The following RAB40B variants were observed in gnomAD, a reference collection of about 807,000 sequenced individuals.
RAB40B encodes RAB40B, member RAS oncogene family.
In RAB40B, 21 loss-of-function variants were observed where a neutral mutation model predicts 24.0. The ratio of observed to expected loss-of-function variants is 0.88; its 90% CI spans 0.62 to 1.26. The LOEUF (loss-of-function observed/expected upper bound fraction) is 1.26, where lower values mean the gene tolerates loss of function less well. Ranked by LOEUF, RAB40B falls within the 50% of genes most tolerant of loss-of-function variation. The probability of loss-of-function intolerance (pLI) is 0.00; values close to 1 mark genes in which losing one functional copy is unlikely to be tolerated. For synonymous variants in RAB40B, 167 were observed against 169.8 expected, an observed-to-expected ratio of 0.98 and a Z score of 0.13; for missense variants, 348 against 390.5, an observed-to-expected ratio of 0.89 and a Z score of 0.92.
At chr17:82,698,246 A>G (rs1328498115) in intron 1 of RAB40B, among the ~76,000 whole-genome samples, 1 of 151,326 alleles carries the variant, frequency 6.6e-6, no homozygotes, top group East Asian at 2.0e-4. Flanking sequence ...CCGGGCGGAG[A>G]AAGGCCCGCC....
intron 1 of RAB40B, among the ~76,000 whole-genome samples, chr17:82,674,106 C>T (rs1431238510): frequency 1.3e-5 from 2 of 152,184 alleles, no homozygotes; most frequent in African/African-American, 2.4e-5. Context: ...TTTGGGAGGC[C>T]GAGGCGGGCG....
At chr17:82,695,175 A>ATCTT (rs375316050) in intron 1 of RAB40B, among the ~76,000 whole-genome samples, 2,463 of 149,724 alleles carry the variant, frequency 0.016, 129 homozygotes, top group African/African-American at 0.058. Context: ...GAACGCCCTC[A>ATCTT]TCTTTCTTTC....
chr17:82,657,901 G>A lies in RAB40B; in HGVS notation c.799C>T (p.Pro267Ser). Reference protein sequence around the residue: ...VKLVRPPQSPPKNCTRNSCKI... With the variant: ...VKLVRPPQSPSKNCTRNSCKI... Reference sequence around the variant, plus strand: ...CAGCTGTTTCTGGTGCAGTTTTTGGGGGGGCTCTGGGGGGGGCGGACGAGC... The same window carrying A: ...CAGCTGTTTCTGGTGCAGTTTTTGGAGGGGCTCTGGGGGGGGCGGACGAGC... Residue 267 changes from proline (P) to serine (S), a missense_variant, in exon 6 of 6, where the codon CCC becomes TCC. Around this residue, in one of 3 missense-constraint regions of RAB40B, gnomAD observed 121 missense variants for 124.0 expected, o/e 0.98. Coordinates refer to ENST00000571995, the MANE Select transcript of RAB40B (RefSeq NM_006822.3). 6.2e-7 allele frequency: 1 copy of A among 1,612,368 alleles called. No individual in the cohort carries two copies. Among genetic ancestry groups the A allele is most frequent in the Non-Finnish European group, 8.5e-7 (1 of 1,179,168 alleles).
intron 1 of RAB40B, among the ~76,000 whole-genome samples, chr17:82,674,965 C>A (rs1399933343): frequency 1.3e-5 from 2 of 152,192 alleles, no homozygotes; most frequent in African/African-American, 4.8e-5. Context: ...CCTCAACCTG[C>A]CGGCTGTGTG....
At chr17:82,662,127 A>T (rs1272034386) in intron 2 of RAB40B, 8 of 985,312 alleles carry the variant, frequency 8.1e-6, no homozygotes, top group Non-Finnish European at 9.6e-6. Flanking sequence ...TGTTTGTGTC[A>T]CATGCACCTG....
chr17:82,668,609 G>C (rs1251025011), intron 1 of RAB40B, among the ~76,000 whole-genome samples: 1 of 152,280 alleles, frequency 6.6e-6, no homozygotes, highest in Non-Finnish European at 1.5e-5. Flanking sequence ...CCACCCGGAT[G>C]GTCTGCAGCA....
At chr17:82,680,743 A>G (rs2046440930) in intron 1 of RAB40B, among the ~76,000 whole-genome samples, 2 of 152,218 alleles carry the variant, frequency 1.3e-5, no homozygotes, top group South Asian at 4.2e-4. Flanking sequence ...CTAAAATATA[A>G]TTTCTGGGCC....
At chr17:82,679,330 G>A (rs979668583) in intron 1 of RAB40B, among the ~76,000 whole-genome samples, 2 of 151,158 alleles carry the variant, frequency 1.3e-5, no homozygotes, top group African/African-American at 2.4e-5. Flanking sequence ...CGCCCAGGCT[G>A]GAGTGCAGTG....
At chr17:82,670,627 C>T (rs992042788) in intron 1 of RAB40B, among the ~76,000 whole-genome samples, 1 of 151,610 alleles carries the variant, frequency 6.6e-6, no homozygotes, top group Non-Finnish European at 1.5e-5. Context: ...CTCCGCCTCC[C>T]GGGTTCAAGG....
intron 1 of RAB40B, among the ~76,000 whole-genome samples, chr17:82,671,283 T>C (rs2046329043): frequency 1.3e-5 from 2 of 151,014 alleles, no homozygotes; most frequent in South Asian, 2.1e-4. Flanking sequence ...ACACATCCTG[T>C]ACTCACTGAC....
chr17:82,669,821 C>A (rs1210816720), intron 1 of RAB40B, among the ~76,000 whole-genome samples: 1 of 152,184 alleles, frequency 6.6e-6, no homozygotes, highest in African/African-American at 2.4e-5. Flanking sequence ...GGGAAGGCAC[C>A]ATCATGTGCC....
At chr17:82,670,854 C>A (rs1327390464) in intron 1 of RAB40B, among the ~76,000 whole-genome samples, 1 of 151,984 alleles carries the variant, frequency 6.6e-6, no homozygotes, top group Non-Finnish European at 1.5e-5. Flanking sequence ...TTTTTAAGCG[C>A]CCTACGAGTT....
intron 1 of RAB40B, among the ~76,000 whole-genome samples, chr17:82,679,182 C>A (rs1321578810): frequency 6.6e-6 from 1 of 151,876 alleles, no homozygotes; most frequent in East Asian, 1.9e-4. Context: ...TGAGCAGCTC[C>A]CTTTCTGAAC....
rs571628462 is a variant in RAB40B, at chr17:82,663,646, C to G, written c.203+850G>C. On this transcript the variant is annotated intron_variant, in intron 2 of 5. Transcript: ENST00000571995. The surrounding 1 kb of genome is among the most constrained non-coding windows in gnomAD (Gnocchi z 6.2). ...CCAGCAAGTCCTCACCTCCCCACGT[C>G]TGGGTCCTCCACCCGCAGGCCCGAC... Among the ~76,000 whole-genome samples the G allele has an allele frequency of 1.1e-4, 16 of 152,242 alleles. No homozygotes were observed. The South Asian group carries it at 3.3e-3, about 32-fold the overall frequency.
rs2046106343 is a variant in RAB40B, at chr17:82,657,962, G to A, written c.738C>T (p.Ser246=). The change falls in exon 6 of 6, where the codon AGC becomes AGT. Residue 246 remains serine, a synonymous_variant. Transcript: ENST00000571995. ...MHGGSYSLTT[S]STHKRSSLRK... The stretch of plus-strand genomic sequence containing the variant: ...GGAGGCTGCTCCTTTTGTGGGTGGA[G>A]CTGGTGGTGAGGGAGTAGGAACCGC... 6.2e-7 allele frequency: 1 copy of A among 1,614,206 alleles called. No homozygotes were observed. The highest frequency in any genetic ancestry group is 8.5e-7 in the Non-Finnish European group (1 of 1,180,036).
chr17:82,682,873 G>A (rs564605842), intron 1 of RAB40B, among the ~76,000 whole-genome samples: 19 of 152,274 alleles, frequency 1.2e-4, no homozygotes, highest in Non-Finnish European at 1.9e-4. Context: ...GGCCGGGCAC[G>A]GTGACTCATG....
rs1458811599 is a variant in RAB40B, at chr17:82,655,203, G to A, written c.*2660C>T. ...CAAATATTTATTTTCTCGTAGCTCT[G>A]GAAGCCGGAAGTCCAAAACCAATAA... On this transcript the variant is annotated 3_prime_UTR_variant, in exon 6 of 6. Coordinates refer to ENST00000571995, the MANE Select transcript of RAB40B (RefSeq NM_006822.3). 6.6e-6 allele frequency: 1 copy of A among 152,002 alleles called. No homozygotes were observed. The highest frequency in any genetic ancestry group is 1.5e-5 in the Non-Finnish European group (1 of 68,004). 9.4% of individuals were successfully genotyped at this position (152,002 alleles called of 1,614,324 possible).
intron 1 of RAB40B, among the ~76,000 whole-genome samples, chr17:82,690,737 CAG>C (rs978018921): frequency 4.0e-5 from 6 of 149,622 alleles, no homozygotes; most frequent in African/African-American, 5.0e-5. Context: ...TCCTGGGGAA[CAG>C]AGAGTGTGCA....
At chr17:82,665,545 T>C (rs1277132205) in intron 1 of RAB40B, among the ~76,000 whole-genome samples, 2 of 151,860 alleles carry the variant, frequency 1.3e-5, no homozygotes, top group African/African-American at 4.8e-5. Flanking sequence ...TAAGCCACCA[T>C]GCTGGAACAC....
Sources: allele counts gnomAD v4.1 joint callset (sites outside exome capture counted in the v4.1 genomes callset), GRCh38; gene constraint gnomAD v4.1.1; regional missense constraint gnomAD v4.1.1; non-coding constraint Gnocchi (gnomAD v3.1); transcripts MANE v1.5; gene names NCBI Gene and HGNC (gene_info 2026-07-23, HGNC 2026-07-21).